SPEN: variants seen among roughly 807,000 people sequenced by gnomAD.
SPEN encodes the protein spen family transcriptional repressor.
In SPEN, 18 loss-of-function variants were observed where a neutral mutation model predicts 269.9. The observed-to-expected ratio is 0.07, with a 90% confidence interval of 0.05 to 0.10. The LOEUF (loss-of-function observed/expected upper bound fraction) is 0.10, where lower values mean the gene tolerates loss of function less well. Ranked by LOEUF, SPEN falls within the 10% of genes least tolerant of loss-of-function variation. SPEN has a pLI of 1.00. For missense variants in SPEN, 3,822 were observed against 4,631.2 expected (o/e 0.83, Z 5.07); for synonymous variants, 1,726 against 1,765.7 (o/e 0.98, Z 0.56).
Position 15,936,227 on chromosome 1 carries a change from C to T in SPEN, c.9987C>T (p.Ser3329=), listed in dbSNP as rs1431882367. ...CACACACTCAGTTTCCCGCCGCTTC[C>T]TCTGTTGGCCTGCCTTCCCGGACCA... ...QLTHTQFPAA[S]SVGLPSRTKT... is the part of the protein sequence containing the mutation. The change falls in exon 11 of 15, where the codon TCC becomes TCT. Residue 3329 remains serine (S), a synonymous_variant. Transcript: ENST00000375759. The T allele has an allele frequency of 1.3e-6, 2 of 1,559,554 alleles. No individual in the cohort carries two copies. Among genetic ancestry groups the T allele is most frequent in the Non-Finnish European group, 1.7e-6 (2 of 1,145,152 alleles).
At chr1:15,921,051 C>A in intron 9 of SPEN, 68 bp downstream of exon 9, 2 of 1,016,420 alleles carry the variant, frequency 2.0e-6, no homozygotes, top group Non-Finnish European at 2.8e-6. Context: ...TTGGGCTGGG[C>A]GTGGTGGCTC....
intron 3 of SPEN, among the ~76,000 whole-genome samples, 198 bp from the exon 4 acceptor site, chr1:15,909,123 T>G (rs1242733520): frequency 6.6e-6 from 1 of 152,230 alleles, no homozygotes; most frequent in Non-Finnish European, 1.5e-5. Context: ...AAATGAAGAT[T>G]ATACTTTTGT....
chr1:15,895,981 G>T (rs1393920780), intron 3 of SPEN, among the ~76,000 whole-genome samples: 1 of 151,830 alleles, frequency 6.6e-6, no homozygotes, highest in African/African-American at 2.4e-5. Flanking sequence ...ACCATGCCCG[G>T]CCTATACTTA....
At chr1:15,854,856 T>C (rs2070369930) in intron 1 of SPEN, among the ~76,000 whole-genome samples, 1 of 152,130 alleles carries the variant, frequency 6.6e-6, no homozygotes, top group Non-Finnish European at 1.5e-5. Context: ...AGTGAAAAGA[T>C]TTTTTGGATA....
intron 1 of SPEN, 142 bp from the exon 2 acceptor site, chr1:15,872,674 A>C: frequency 2.1e-6 from 1 of 480,096 alleles, no homozygotes; most frequent in Non-Finnish European, 3.6e-6. Context: ...AAAAACGTTA[A>C]GTGTAAAAGA....
intron 3 of SPEN, among the ~76,000 whole-genome samples, chr1:15,894,747 C>T (rs2070824201): frequency 6.6e-6 from 1 of 151,730 alleles, no homozygotes; most frequent in African/African-American, 2.4e-5. Context: ...ACCATGTTGG[C>T]CAGGTTGGGC....
chr1:15,935,190 C>T lies in SPEN; in HGVS notation c.8950C>T (p.Pro2984Ser), dbSNP rs143649833. 2.3e-4 allele frequency: 379 copies of T among 1,614,054 alleles called. No homozygotes were observed. In the African/African-American group the frequency reaches 4.2e-3, roughly 18 times the overall value. The change falls in exon 11 of 15, where the codon CCC (proline) becomes TCC (serine). Residue 2984 changes from proline to serine, a missense_variant. Pro to Ser is a moderately conservative substitution (Grantham distance 74). This residue lies in a region of SPEN where 94 missense variants were observed against 90.4 expected (regional missense o/e 1.04). Coordinates refer to ENST00000375759, the MANE Select transcript of SPEN (RefSeq NM_015001.3). The surrounding 1 kb of genome is among the most constrained non-coding windows in gnomAD (Gnocchi z 7.7). ...GGCCAACCTGGGGTCCACGCTCACG[C>T]CCCACCACCCTCCTGCTCTGCCCAG... Reference protein sequence around the residue: ...QPANLGSTLTPHHPPALPSKL... With the variant: ...QPANLGSTLTSHHPPALPSKL...
chr1:15,898,850 A>C (rs997213670), intron 3 of SPEN, among the ~76,000 whole-genome samples: 2 of 152,302 alleles, frequency 1.3e-5, no homozygotes, highest in African/African-American at 4.8e-5. Context: ...GGCGTGAGCC[A>C]CTGCACCCAG....
Position 15,937,081 on chromosome 1 carries a change from G to A in SPEN, c.10027-82G>A. The A allele has an allele frequency of 6.5e-7, 1 of 1,529,242 alleles. No individual in the cohort carries two copies. Among genetic ancestry groups the A allele is most frequent in the Non-Finnish European group, 8.8e-7 (1 of 1,133,526 alleles). 94.7% of individuals were successfully genotyped at this position (1,529,242 alleles called of 1,614,324 possible). On this transcript the variant is annotated intron_variant, in intron 11 of 14. Transcript: ENST00000375759. The surrounding 1 kb of genome is among the most constrained non-coding windows in gnomAD (Gnocchi z 5.7). Reference sequence around the variant, plus strand: ...ATGCCACATCTTATCCTTTCCCTGTGGCCCTTTGGGTCATTTGTTGGTCTC... The same window carrying A: ...ATGCCACATCTTATCCTTTCCCTGTAGCCCTTTGGGTCATTTGTTGGTCTC...
Position 15,928,519 on chromosome 1 carries a change from C to T in SPEN, c.2279C>T (p.Ser760Leu), listed in dbSNP as rs778549803. 1 of 1,614,116 alleles carries T rather than the reference C, an allele frequency of 6.2e-7. No homozygotes were observed. Among genetic ancestry groups the T allele is most frequent in the Non-Finnish European group, 8.5e-7 (1 of 1,180,018 alleles). ...GAGAGGAGGCTTTACAGCCGATCCT[C>T]AGACCGGAGTGGAAGCTGTAGCTCA... ...DSERRLYSRS[S>L]DRSGSCSSLS... is the part of the protein sequence containing the mutation. Residue 760 changes from serine (S) to leucine (L), a missense_variant, in exon 11 of 15, where the codon TCA (serine) becomes TTA (leucine). Ser to Leu is a moderately radical substitution (Grantham distance 145). Transcript: ENST00000375759. The surrounding 1 kb of genome is among the most constrained non-coding windows in gnomAD (Gnocchi z 5.7).
intron 9 of SPEN, among the ~76,000 whole-genome samples, 172 bp downstream of exon 9, chr1:15,921,155 G>A (rs1274221819): frequency 2.0e-5 from 3 of 152,154 alleles, no homozygotes; most frequent in East Asian, 3.9e-4. Flanking sequence ...GTGAAACCAC[G>A]TCTCTACTAA....
intron 2 of SPEN, chr1:15,873,467 C>G: frequency 9.7e-7 from 1 of 1,035,226 alleles, no homozygotes; most frequent in East Asian, 7.8e-5. Context: ...TATATCCCTT[C>G]TACCTGATGG....
rs143078767 is a variant in SPEN at position 15,934,460 on chromosome 1, C to G, written c.8220C>G (p.Thr2740=). 3.6e-4 allele frequency: 586 copies of G among 1,613,980 alleles called. 1 individual carries two copies. Among genetic ancestry groups the G allele is most frequent in the Middle Eastern group, 3.0e-3 (18 of 6,062 alleles). ...SAVNATASAV[T]VTAGAVTAAS... is the part of the protein sequence containing the mutation. ...TGAATGCCACAGCAAGTGCAGTGAC[C>G]GTCACAGCGGGTGCGGTTACTGCTG... Residue 2740 remains threonine (T), a synonymous_variant, in exon 11 of 15, where the codon ACC becomes ACG. Transcript: ENST00000375759. The surrounding 1 kb of genome is among the most constrained non-coding windows in gnomAD (Gnocchi z 9.2).
At position 15,871,258 on chromosome 1, in the gene SPEN, A is replaced by G. The variant is rs560650199; in HGVS notation, c.84-1558A>G. ...GCTGGGATTTCAGGCTTGAGCCACCACGCCTGGCCTCAACAGTGCCTTTTA... is the reference window on the plus strand; with the variant it reads ...GCTGGGATTTCAGGCTTGAGCCACCGCGCCTGGCCTCAACAGTGCCTTTTA... On this transcript the variant is annotated intron_variant, in intron 1 of 14. Coordinates refer to ENST00000375759, the MANE Select transcript of SPEN (RefSeq NM_015001.3). 4.5e-4 allele frequency among the ~76,000 whole-genome samples: 68 copies of G among 150,916 alleles called. 3 individuals carry two copies. The South Asian group carries it at 0.013, about 29-fold the overall frequency.
At chr1:15,907,969 T>A (rs1305027042) in intron 3 of SPEN, among the ~76,000 whole-genome samples, 1 of 152,212 alleles carries the variant, frequency 6.6e-6, no homozygotes, top group Admixed American at 6.5e-5. Context: ...TCTTTCTGTT[T>A]GAGGATTTTA....
chr1:15,851,467 A>G (rs2070334275), intron 1 of SPEN, among the ~76,000 whole-genome samples: 1 of 152,198 alleles, frequency 6.6e-6, no homozygotes, highest in Non-Finnish European at 1.5e-5. Context: ...GAGGAGTTAT[A>G]CAATTGGTTC....
chr1:15,931,760 C>A lies in SPEN; in HGVS notation c.5520C>A (p.Val1840=). 1 of 1,614,098 alleles carries A rather than the reference C, an allele frequency of 6.2e-7. No homozygotes were observed. The stretch of plus-strand genomic sequence containing the variant: ...CAGTGAGTATCGTGGAGAAGCCCGT[C>A]ACAAGGAAGAGTGAGAGGATAGACC... ...AAAVSIVEKP[V]TRKSERIDRE... The change falls in exon 11 of 15, where the codon GTC becomes GTA. Residue 1840 remains valine (V), a synonymous_variant. Transcript: ENST00000375759. The surrounding 1 kb of genome is among the most constrained non-coding windows in gnomAD (Gnocchi z 4.8).
rs116265660 is a variant in SPEN at position 15,892,328 on chromosome 1, G to A, written c.881+15650G>A. ...CGTGAGCCACTGCTCCCAGCTCTTCGTTTTACTTTTTAAAATATGACTATT... is the reference window on the plus strand; with the variant it reads ...CGTGAGCCACTGCTCCCAGCTCTTCATTTTACTTTTTAAAATATGACTATT... On this transcript the variant is annotated intron_variant, in intron 3 of 14. Transcript: ENST00000375759. Among the ~76,000 whole-genome samples the A allele has an allele frequency of 9.2e-3, 1,396 of 152,122 alleles. 25 individuals are homozygous for A. Among genetic ancestry groups the A allele is most frequent in the African/African-American group, 0.032 (1,332 of 41,524 alleles).
intron 10 of SPEN, among the ~76,000 whole-genome samples, chr1:15,922,919 T>C (rs2071133409): frequency 6.6e-6 from 1 of 152,168 alleles, no homozygotes. Context: ...TGGTCTGCTT[T>C]ATGTACCATT....
Sources: gnomAD v4.1 joint callset for allele counts (sites outside exome capture counted in the v4.1 genomes callset) on GRCh38, gnomAD v4.1.1 for gene constraint, gnomAD v4.1.1 regional missense constraint, Gnocchi (gnomAD v3.1) non-coding constraint, MANE v1.5 for transcripts, NCBI Gene and HGNC (gene_info 2026-07-23, HGNC 2026-07-21) for gene names.